The following AP3S2 variants were observed in gnomAD, a reference collection of about 807,000 sequenced individuals.
The protein encoded by AP3S2 is AP-3 complex subunit sigma-2.
In AP3S2, 22 loss-of-function variants were observed where a neutral mutation model predicts 23.4. That is an observed-to-expected ratio of 0.94 (90% CI 0.67 to 1.34). The LOEUF (loss-of-function observed/expected upper bound fraction) is 1.34, where lower values mean the gene tolerates loss of function less well. Ranked by LOEUF, AP3S2 falls within the 40% of genes most tolerant of loss-of-function variation. The probability of loss-of-function intolerance (pLI) is 0.00; values close to 1 mark genes in which losing one functional copy is unlikely to be tolerated. For missense variants in AP3S2, 241 were observed against 236.9 expected, an observed-to-expected ratio of 1.02 and a Z score of -0.11; for synonymous variants, 86 against 87.1, an observed-to-expected ratio of 0.99 and a Z score of 0.07.
At chr15:89,893,316 T>C (rs919849975) in intron 1 of AP3S2, 1 of 163,050 alleles carries the variant, frequency 6.1e-6, no homozygotes, top group African/African-American at 2.4e-5. Flanking sequence ...TAATCACTTA[T>C]TGAGCCCTTA....
intron 4 of AP3S2, among the ~76,000 whole-genome samples, chr15:89,871,259 G>A (rs533662631): frequency 6.6e-6 from 1 of 152,200 alleles, no homozygotes; most frequent in South Asian, 2.1e-4. Context: ...TATAGGCCTA[G>A]TAATAATCTT....
rs1382381314 is a variant in AP3S2 at position 89,888,633 on chromosome 15, C to A, written c.162-1G>T. 3.7e-6 allele frequency: 6 copies of A among 1,613,670 alleles called. No homozygotes were observed. ...TTTGTAGTCAGAGCCACCAATCAAA[C>A]TGCAGAAGATGGGAAACATTTAAAT... is the stretch of plus-strand genomic sequence containing the variant. On this transcript the variant is annotated splice_acceptor_variant, in intron 2 of 5. Transcript: ENST00000336418. LOFTEE classifies it high-confidence loss of function.
chr15:89,858,551 A>C (rs1895922201), intron 4 of AP3S2, among the ~76,000 whole-genome samples: 1 of 128,468 alleles, frequency 7.8e-6, no homozygotes. Context: ...GAAAGAAAGA[A>C]AGAAAGAAAG....
chr15:89,869,377 C>T lies in AP3S2; in HGVS notation c.345+2098G>A, dbSNP rs376698014. 2.4e-3 allele frequency among the ~76,000 whole-genome samples: 352 copies of T among 148,780 alleles called. 7 individuals carry two copies. In the East Asian group the frequency reaches 0.055, roughly 23 times the overall value. ...TAAACAGATGCTTGAAGGCAGCATG[C>T]GCGTTAAGAGTCATCACCAATCCCT... is the stretch of plus-strand genomic sequence containing the variant. On this transcript the variant is annotated intron_variant, in intron 4 of 5. Transcript: ENST00000336418.
chr15:89,863,294 T>C (rs1465859322), intron 4 of AP3S2, among the ~76,000 whole-genome samples: 2 of 152,118 alleles, frequency 1.3e-5, no homozygotes, highest in Non-Finnish European at 2.9e-5. Flanking sequence ...CACCCACGAA[T>C]TCAAGTTCAC....
intron 4 of AP3S2, among the ~76,000 whole-genome samples, chr15:89,846,215 T>C (rs1895483671): frequency 6.6e-6 from 1 of 152,226 alleles, no homozygotes; most frequent in Non-Finnish European, 1.5e-5. Context: ...TCTGTCCTAT[T>C]TAAATTTTTC....
At position 89,835,378 on chromosome 15, in the gene AP3S2, G is replaced by A; in HGVS notation, c.*137C>T. 1 of 1,447,204 alleles carries A rather than the reference G, an allele frequency of 6.9e-7. No homozygotes were observed. Among genetic ancestry groups the A allele is most frequent in the Admixed American group, 2.2e-5 (1 of 45,994 alleles). 89.6% of individuals were successfully genotyped at this position (1,447,204 alleles called of 1,614,324 possible). The stretch of plus-strand genomic sequence containing the variant: ...TCCCTTCCCTATTCCATGCCAAACA[G>A]TCTTCCCCAGACACAAAGTTTCCAG... On this transcript the variant is annotated 3_prime_UTR_variant, in exon 6 of 6. Coordinates refer to ENST00000336418, the MANE Select transcript of AP3S2 (RefSeq NM_005829.5).
At chr15:89,872,101 A>G (rs1195527748) in intron 3 of AP3S2, among the ~76,000 whole-genome samples, 1 of 146,904 alleles carries the variant, frequency 6.8e-6, no homozygotes, top group East Asian at 2.0e-4. Flanking sequence ...CCTGAGTGAC[A>G]GAGTGAGAGT....
At chr15:89,890,785 T>C (rs959105246) in intron 1 of AP3S2, among the ~76,000 whole-genome samples, 1 of 152,176 alleles carries the variant, frequency 6.6e-6, no homozygotes, top group African/African-American at 2.4e-5. Context: ...TTTGAAATGG[T>C]TATTTAAAAG....
rs148074980 is a variant in AP3S2 at position 89,842,272 on chromosome 15, T to C, written c.346-4550A>G. Among the ~76,000 whole-genome samples, 276 of 151,894 alleles carry C rather than the reference T, an allele frequency of 1.8e-3. 2 individuals are homozygous for C. The highest frequency in any genetic ancestry group is 0.015 in the East Asian group (75 of 5,164). On this transcript the variant is annotated intron_variant, in intron 4 of 5. Transcript: ENST00000336418. ...CAGTTACAAAAGACAGCAAAGGAGA[T>C]GTAATATTTGCATAAAAGAAAACTT...
At chr15:89,848,491 G>C (rs1895552681) in intron 4 of AP3S2, 1 of 152,388 alleles carries the variant, frequency 6.6e-6, no homozygotes, top group South Asian at 2.1e-4. Context: ...CTCCGGAGTA[G>C]CTGGGACTAC....
intron 4 of AP3S2, among the ~76,000 whole-genome samples, chr15:89,861,607 G>C (rs1896010811): frequency 6.6e-6 from 1 of 152,114 alleles, no homozygotes; most frequent in Non-Finnish European, 1.5e-5. Flanking sequence ...GGTTACCCCA[G>C]AGACTATGAA....
At chr15:89,870,710 TAA>T (rs914398539) in intron 4 of AP3S2, among the ~76,000 whole-genome samples, 24 of 152,272 alleles carry the variant, frequency 1.6e-4, no homozygotes, top group African/African-American at 5.5e-4. Flanking sequence ...AGCAGTCTCC[TAA>T]AAAATCATCT....
At chr15:89,863,430 T>C (rs1255082912) in intron 4 of AP3S2, among the ~76,000 whole-genome samples, 6 of 151,910 alleles carry the variant, frequency 3.9e-5, no homozygotes, top group Admixed American at 1.3e-4. Context: ...AAGGACACCT[T>C]AGAGACCAGT....
At chr15:89,869,567 TAAA>T (rs527600193) in intron 4 of AP3S2, among the ~76,000 whole-genome samples, 136 of 123,390 alleles carry the variant, frequency 1.1e-3, no homozygotes, top group African/African-American at 2.3e-3. Context: ...GAATTATCAA[TAAA>T]AAAAAAAAAA....
rs1555446558 is a variant in AP3S2 at position 89,858,523 on chromosome 15, G to GAGAGAGAGAA, written c.345+12951_345+12952insTTCTCTCTCT. On this transcript the variant is annotated intron_variant, in intron 4 of 5. Coordinates refer to ENST00000336418, the MANE Select transcript of AP3S2 (RefSeq NM_005829.5). Reference sequence around the variant, plus strand: ...AGAGAGAGAGAGAGAGAGAGAGAGAGAGAAAGAAAGAAAGAAAGAAAGAAA... The same window carrying GAGAGAGAGAA: ...AGAGAGAGAGAGAGAGAGAGAGAGAGAGAGAGAGAAAGAAAGAAAGAAAGAAAGAAAGAAA... Among the ~76,000 whole-genome samples the GAGAGAGAGAA allele has an allele frequency of 2.4e-3, 129 of 52,886 alleles. 1 individual carries two copies. Among genetic ancestry groups the GAGAGAGAGAA allele is most frequent in the Non-Finnish European group, 3.3e-3 (84 of 25,564 alleles). The allele number at this position is 52,886 out of a possible 152,430, so 34.7% of individuals were successfully genotyped here. A position where few individuals can be genotyped will look rare whatever the true frequency, so the allele number is the denominator to read the frequency against.
intron 3 of AP3S2, among the ~76,000 whole-genome samples, chr15:89,879,919 A>T (rs1424787323): frequency 1.3e-5 from 2 of 151,350 alleles, no homozygotes; most frequent in Admixed American, 6.6e-5. Context: ...TATATAACAA[A>T]CTTACATAGT....
At chr15:89,845,581 G>A (rs143636878) in intron 4 of AP3S2, 1 of 152,178 alleles carries the variant, frequency 6.6e-6, no homozygotes, top group Non-Finnish European at 1.5e-5. Flanking sequence ...CACAAAGAAG[G>A]GTTCTGTTAA....
intron 3 of AP3S2, among the ~76,000 whole-genome samples, chr15:89,884,773 T>G (rs1896655376): frequency 6.6e-6 from 1 of 151,784 alleles, no homozygotes. Flanking sequence ...CAGCCTCCCG[T>G]GTAGCTGGGA....
Sources: gnomAD v4.1 joint callset for allele counts (sites outside exome capture counted in the v4.1 genomes callset) on GRCh38, gnomAD v4.1.1 for gene constraint, MANE v1.5 for transcripts, NCBI Gene and HGNC (gene_info 2026-07-23, HGNC 2026-07-21) for gene names.